The following ARHGEF3 variants were observed in gnomAD, a reference collection of about 807,000 sequenced individuals.
The protein encoded by ARHGEF3 is Rho guanine nucleotide exchange factor 3.
In ARHGEF3, 28 loss-of-function variants were observed where a neutral mutation model predicts 63.2. That is an observed-to-expected ratio of 0.44 (90% CI 0.33 to 0.61). ARHGEF3 has a LOEUF of 0.61. Ranked by LOEUF, ARHGEF3 falls within the 20% of genes least tolerant of loss-of-function variation. ARHGEF3 has a pLI of 0.03. For missense variants in ARHGEF3, 533 were observed against 659.3 expected, an observed-to-expected ratio of 0.81 and a Z score of 2.10; for synonymous variants, 266 against 254.2, an observed-to-expected ratio of 1.05 and a Z score of -0.44.
At position 56,737,061 on chromosome 3, in the gene ARHGEF3, G is replaced by A. The variant is rs1480784187; in HGVS notation, c.1041+124C>T. The A allele has an allele frequency of 4.5e-6, 5 of 1,118,974 alleles. No individual in the cohort carries two copies. In the Admixed American group the frequency reaches 7.7e-5, roughly 17 times the overall value. The allele number at this position is 1,118,974 out of a possible 1,614,324, so 69.3% of individuals were successfully genotyped here. A position where few individuals can be genotyped will look rare whatever the true frequency, so the allele number is the denominator to read the frequency against. ...AGTGAGCCAGCCTGGGTGACAAAGC[G>A]AGACTCCATCTCAAAAAAGAACATG... On this transcript the variant is annotated intron_variant, in intron 8 of 9. Transcript: ENST00000296315.
At chr3:56,874,623 G>A (rs1461037476) in intron 4 of ARHGEF3, among the ~76,000 whole-genome samples, 4 of 152,198 alleles carry the variant, frequency 2.6e-5, no homozygotes, top group Non-Finnish European at 5.9e-5. Flanking sequence ...GCACATGACA[G>A]GATAAATAAC....
chr3:56,800,638 C>T (rs1021984998), intron 1 of ARHGEF3, among the ~76,000 whole-genome samples: 2 of 152,170 alleles, frequency 1.3e-5, no homozygotes, highest in Non-Finnish European at 1.5e-5. Flanking sequence ...TGAGCAGACC[C>T]AAGGAAGGCG....
At chr3:56,899,002 C>T (rs773456388) in intron 3 of ARHGEF3, among the ~76,000 whole-genome samples, 3 of 152,146 alleles carry the variant, frequency 2.0e-5, no homozygotes, top group Non-Finnish European at 4.4e-5. Context: ...TGCAGTGATC[C>T]GAGATTGCAC....
At chr3:56,950,340 G>A (rs1403387997) in intron 3 of ARHGEF3, among the ~76,000 whole-genome samples, 2 of 152,006 alleles carry the variant, frequency 1.3e-5, no homozygotes, top group African/African-American at 2.4e-5. Flanking sequence ...AGAGTGAATA[G>A]GCAACCTACA....
chr3:56,897,013 A>G (rs1341797903), intron 3 of ARHGEF3, among the ~76,000 whole-genome samples: 1 of 152,246 alleles, frequency 6.6e-6, no homozygotes, highest in Non-Finnish European at 1.5e-5. Context: ...ATGAAATGTT[A>G]ACACACTAGT....
At chr3:57,054,269 A>G (rs1704804804) in intron 1 of ARHGEF3, among the ~76,000 whole-genome samples, 1 of 151,984 alleles carries the variant, frequency 6.6e-6, no homozygotes, top group Non-Finnish European at 1.5e-5. Flanking sequence ...CATCTTTCCA[A>G]ATGTTTTTGT....
chr3:56,746,974 T>G (rs2034423707), intron 6 of ARHGEF3, among the ~76,000 whole-genome samples: 5 of 152,142 alleles, frequency 3.3e-5, no homozygotes, highest in Admixed American at 2.0e-4. Context: ...TGCAGACATT[T>G]TTTCCCTCAA....
rs79943142 is a variant in ARHGEF3, at chr3:56,837,206, C to A, written c.192+45086G>T. Among the ~76,000 whole-genome samples the A allele has an allele frequency of 7.8e-3, 1,193 of 152,146 alleles. 50 individuals are homozygous for A. In the East Asian group the frequency reaches 0.088, roughly 11 times the overall value. ...GGTGCTGATTAAAAAAATGGTGACT[C>A]CTATAACCCAGAAAAGAGTCTAAAT... On this transcript the variant is annotated intron_variant, in intron 4 of 12. Transcript: ENST00000338458.
intron 1 of ARHGEF3, among the ~76,000 whole-genome samples, chr3:57,035,640 C>T (rs192337261): frequency 2.8e-4 from 43 of 152,350 alleles, no homozygotes; most frequent in African/African-American, 7.5e-4. Context: ...TAAGCCACTG[C>T]GCTCCGCCAG....
chr3:57,067,845 C>A (rs1236423832), intron 1 of ARHGEF3, among the ~76,000 whole-genome samples: 1 of 151,460 alleles, frequency 6.6e-6, no homozygotes, highest in Non-Finnish European at 1.5e-5. Context: ...AAAAAATTAG[C>A]CAGGCAAAGT....
chr3:56,995,632 A>AGAGAGAGAGG, intron 2 of ARHGEF3, among the ~76,000 whole-genome samples: 1 of 62,978 alleles, frequency 1.6e-5, no homozygotes, highest in African/African-American at 4.9e-5. Context: ...AGAGAGAGAG[A>AGAGAGAGAGG]GAGAGAGAGA....
intron 3 of ARHGEF3, among the ~76,000 whole-genome samples, chr3:56,897,018 A>G (rs1237837414): frequency 2.0e-5 from 3 of 152,240 alleles, no homozygotes; most frequent in African/African-American, 7.2e-5. Flanking sequence ...ATGTTAACAC[A>G]CTAGTTTTAG....
At chr3:56,811,767 T>C (rs992454398) in intron 4 of ARHGEF3, among the ~76,000 whole-genome samples, 2 of 152,218 alleles carry the variant, frequency 1.3e-5, no homozygotes, top group Admixed American at 1.3e-4. Context: ...TAGTCACTAG[T>C]TCCCCAGATT....
intron 3 of ARHGEF3, among the ~76,000 whole-genome samples, chr3:56,930,050 C>G (rs537024801): frequency 1.3e-5 from 2 of 152,312 alleles, no homozygotes; most frequent in Middle Eastern, 3.4e-3. Context: ...TACCAGCCCC[C>G]CCCTCCCACC....
At chr3:56,812,330 G>A (rs995218049) in intron 4 of ARHGEF3, among the ~76,000 whole-genome samples, 1 of 152,070 alleles carries the variant, frequency 6.6e-6, no homozygotes, top group Non-Finnish European at 1.5e-5. Flanking sequence ...TTTGAGAAAC[G>A]GCTCCTACAG....
intron 2 of ARHGEF3, among the ~76,000 whole-genome samples, chr3:57,021,288 A>G (rs905115910): frequency 6.6e-6 from 1 of 151,562 alleles, no homozygotes; most frequent in African/African-American, 2.4e-5. Context: ...ATTCCAACAT[A>G]TATTCCTGAT....
chr3:56,736,293 T>C (rs1228165884), intron 8 of ARHGEF3, among the ~76,000 whole-genome samples: 1 of 152,136 alleles, frequency 6.6e-6, no homozygotes, highest in Admixed American at 6.5e-5. Context: ...AAATGGAGAA[T>C]TGCAAATCAC....
chr3:57,010,773 TG>T lies in ARHGEF3; in HGVS notation c.62+24314del, dbSNP rs148148576. Among the ~76,000 whole-genome samples, 1,218 of 152,290 alleles carry T rather than the reference TG, an allele frequency of 8.0e-3. 12 individuals are homozygous for T. Among genetic ancestry groups the T allele is most frequent in the African/African-American group, 0.026 (1,098 of 41,552 alleles). On this transcript the variant is annotated intron_variant, in intron 2 of 12. Transcript: ENST00000338458. ...AGTGTTCATGGAAAGGCCTGAATCA[TG>T]GGGAGACTAATCTTGAAAAATAGAC...
At chr3:56,967,763 A>T (rs1578979356) in intron 2 of ARHGEF3, among the ~76,000 whole-genome samples, 1 of 82,132 alleles carries the variant, frequency 1.2e-5, no homozygotes, top group Non-Finnish European at 2.1e-5. Flanking sequence ...ATACAATTAT[A>T]TATAATATAT....
Sources: gnomAD v4.1 joint callset for allele counts (sites outside exome capture counted in the v4.1 genomes callset) on GRCh38, gnomAD v4.1.1 for gene constraint, MANE v1.5 for transcripts, NCBI Gene and HGNC (gene_info 2026-07-23, HGNC 2026-07-21) for gene names.